Variants in VPS13C observed in about 807,000 individuals in gnomAD.
VPS13C encodes intermembrane lipid transfer protein VPS13C.
A neutral mutation model predicts 456.8 loss-of-function variants in VPS13C; 358 were observed. The ratio of observed to expected loss-of-function variants is 0.78; its 90% CI spans 0.72 to 0.86. VPS13C has a LOEUF of 0.86. VPS13C is among the 40% of genes least tolerant of loss of function. The pLI is 0.00. For synonymous variants in VPS13C, 1,578 were observed against 1,486.7 expected (o/e 1.06, Z -1.41); for missense variants, 4,818 against 4,385.4 (o/e 1.10, Z -2.79).
chr15:62,033,382 G>T, intron 5 of VPS13C, 59 bp downstream of exon 5: 2 of 1,132,872 alleles, frequency 1.8e-6, no homozygotes, highest in East Asian at 2.7e-5. Context: ...CTCTTTAAAG[G>T]ATATTAATTA....
At chr15:61,994,396 A>G (rs768022543) in intron 16 of VPS13C, among the ~76,000 whole-genome samples, 12 of 152,158 alleles carry the variant, frequency 7.9e-5, no homozygotes, top group Non-Finnish European at 1.3e-4. Flanking sequence ...AGCAGTAGCA[A>G]ATACCTTTTA....
chr15:61,965,001 T>A (rs936594649), intron 30 of VPS13C, 140 bp from the exon 31 acceptor site: 1 of 760,874 alleles, frequency 1.3e-6, no homozygotes, highest in African/African-American at 1.8e-5. Context: ...AGTGGAAGAT[T>A]CACAATCCCC....
At position 61,918,245 on chromosome 15, in the gene VPS13C, A is replaced by G; in HGVS notation, c.7651T>C (p.Phe2551Leu). 2 of 1,569,730 alleles carry G rather than the reference A, an allele frequency of 1.3e-6. No individual in the cohort carries two copies. Among genetic ancestry groups the G allele is most frequent in the Admixed American group, 2.0e-5 (1 of 50,652 alleles). ...TTATAGATGATAAATGCAATGGAGA[A>G]ATGGTTTTTGATCTGTTGGACAAAA... ...LRSPLQIKNH[F>L]SIAFIIYKFV... is the part of the protein sequence containing the mutation. Residue 2551 changes from phenylalanine (F) to leucine (L), a missense_variant, in exon 59 of 85, where the codon TTC becomes CTC. This residue lies in a region of VPS13C where 4,552 missense variants were observed against 4,130.6 expected (regional missense o/e 1.10). Transcript: ENST00000644861.
chr15:61,961,539 T>A, intron 35 of VPS13C, 50 bp downstream of exon 35: 2 of 1,480,656 alleles, frequency 1.4e-6, no homozygotes, highest in Non-Finnish European at 1.8e-6. Context: ...TAAAATTTCA[T>A]GGAAATCATG....
At chr15:61,953,280 G>A (rs2044867567) in intron 38 of VPS13C, among the ~76,000 whole-genome samples, 1 of 151,368 alleles carries the variant, frequency 6.6e-6, no homozygotes, top group South Asian at 2.1e-4. Flanking sequence ...GGGTACATGT[G>A]CACAATGCGC....
intron 67 of VPS13C, among the ~76,000 whole-genome samples, chr15:61,884,649 ATAAT>A (rs1447179723): frequency 3.9e-5 from 6 of 151,930 alleles, no homozygotes; most frequent in Admixed American, 3.9e-4. Context: ...AGAATATAAA[ATAAT>A]TAAGAGCAAT....
At chr15:62,053,469 C>T (rs147435762) in intron 1 of VPS13C, among the ~76,000 whole-genome samples, 149 of 152,274 alleles carry the variant, frequency 9.8e-4, no homozygotes, top group African/African-American at 3.5e-3. Context: ...TCACCAATAT[C>T]GGGTGAAGAG....
At chr15:61,990,918 T>C (rs1281242989) in intron 18 of VPS13C, 82 bp downstream of exon 18, 4 of 921,962 alleles carry the variant, frequency 4.3e-6, no homozygotes, top group South Asian at 1.5e-5. Context: ...TTATATTACT[T>C]AAAAAAATCA....
chr15:61,977,083 TG>T lies in VPS13C; in HGVS notation c.2406del (p.Arg803AspfsTer10). On this transcript the variant is annotated frameshift_variant and splice_region_variant, in exon 24 of 85. Coordinates refer to ENST00000644861, the MANE Select transcript of VPS13C (RefSeq NM_020821.3). LOFTEE classifies it high-confidence loss of function. ...ATATAAAAGAAGTTTATACATTACC[TG>T]GCCATTCTAATGTCTTTTTCTACCA... Reference protein sequence around the residue: ...KAMVEKDIRMARFKVSGGLPL... With the variant: ...KAMVEKDIRMXRFKVSGGLPL... 1 of 1,589,038 alleles carries T rather than the reference TG, an allele frequency of 6.3e-7. No individual in the cohort carries two copies. The highest frequency in any genetic ancestry group is 8.6e-7 in the Non-Finnish European group (1 of 1,164,698).
intron 71 of VPS13C, 32 bp from the exon 72 acceptor site, chr15:61,880,986 T>G: frequency 6.6e-7 from 1 of 1,521,060 alleles, no homozygotes; most frequent in South Asian, 1.2e-5. Context: ...GGAAAAGGAT[T>G]TCTACCAAAT....
chr15:61,917,556 C>T lies in VPS13C; in HGVS notation c.7840G>A (p.Glu2614Lys). The T allele has an allele frequency of 6.2e-7, 1 of 1,613,992 alleles. No individual in the cohort carries two copies. Among genetic ancestry groups the T allele is most frequent in the Non-Finnish European group, 8.5e-7 (1 of 1,179,876 alleles). Reference protein sequence around the residue: ...ESTTYISWKEELHRSREVRCM... With the variant: ...ESTTYISWKEKLHRSREVRCM... ...CTGACTTCCCTGCTCCTATGAAGTT[C>T]TTCCTTCCAGGAAATATAAGTGGTA... The change falls in exon 60 of 85, where the codon GAA becomes AAA. Residue 2614 changes from glutamate to lysine, a missense_variant. Around this residue, in one of 3 missense-constraint regions of VPS13C, gnomAD observed 4,552 missense variants for 4,130.6 expected, o/e 1.10. Transcript: ENST00000644861.
chr15:62,035,095 T>G (rs575290048), intron 3 of VPS13C, 43 bp from the exon 4 acceptor site: 1 of 1,420,898 alleles, frequency 7.0e-7, no homozygotes, highest in East Asian at 2.3e-5. Flanking sequence ...ATTTGACTGC[T>G]CAAGAACACA....
intron 42 of VPS13C, among the ~76,000 whole-genome samples, chr15:61,948,491 G>A (rs2044682060): frequency 6.6e-6 from 1 of 152,100 alleles, no homozygotes; most frequent in African/African-American, 2.4e-5. Flanking sequence ...CGACCAGCCT[G>A]CGCAACATGG....
At chr15:61,943,004 C>T (rs542253518) in intron 45 of VPS13C, among the ~76,000 whole-genome samples, 34 of 152,062 alleles carry the variant, frequency 2.2e-4, no homozygotes, top group Admixed American at 1.3e-4. Context: ...ATGAAGAACA[C>T]AATCCTGTTT....
chr15:62,028,585 TCA>T (rs1323625358), intron 5 of VPS13C, among the ~76,000 whole-genome samples, 165 bp from the exon 6 acceptor site: 1 of 152,118 alleles, frequency 6.6e-6, no homozygotes, highest in African/African-American at 2.4e-5. Flanking sequence ...GAGGAAATAT[TCA>T]CAGTGACACC....
intron 16 of VPS13C, among the ~76,000 whole-genome samples, chr15:61,993,217 T>C (rs2046279992): frequency 6.6e-6 from 1 of 152,186 alleles, no homozygotes. Flanking sequence ...TAAAAAGCAT[T>C]TGGATATTTT....
At chr15:61,928,460 T>C (rs1238362464) in intron 51 of VPS13C, among the ~76,000 whole-genome samples, 1 of 152,180 alleles carries the variant, frequency 6.6e-6, no homozygotes, top group Non-Finnish European at 1.5e-5. Context: ...ATATCAGATA[T>C]GATCACTATT....
chr15:62,050,129 C>T (rs542788831), intron 1 of VPS13C, among the ~76,000 whole-genome samples: 35 of 152,312 alleles, frequency 2.3e-4, no homozygotes, highest in African/African-American at 8.2e-4. Flanking sequence ...GCCAGAACTT[C>T]CAACACTCTA....
intron 63 of VPS13C, among the ~76,000 whole-genome samples, chr15:61,910,669 G>T (rs1024925465): frequency 9.2e-5 from 14 of 152,002 alleles, no homozygotes; most frequent in Admixed American, 2.0e-4. Flanking sequence ...AATACATGAT[G>T]AATTCTTTCA....
Sources: gnomAD v4.1 joint callset for allele counts (sites outside exome capture counted in the v4.1 genomes callset) on GRCh38, gnomAD v4.1.1 for gene constraint, gnomAD v4.1.1 regional missense constraint, MANE v1.5 for transcripts, NCBI Gene and HGNC (gene_info 2026-07-23, HGNC 2026-07-21) for gene names.